The following GLI2 variants were observed in gnomAD, a reference collection of about 807,000 sequenced individuals.
GLI2 encodes the protein transcription activator GLI2.
GLI2 carries 22 observed loss-of-function variants against 78.9 expected under a neutral mutation model. The observed-to-expected ratio is 0.28, with a 90% CI of 0.20 to 0.40. GLI2 has a LOEUF of 0.40. Among genes scored for constraint, GLI2 ranks in the 10% least tolerant of loss-of-function variants. GLI2 has a pLI of 1.00. For synonymous variants in GLI2, 974 were observed against 963.7 expected (o/e 1.01, Z -0.20); for missense variants, 2,097 against 2,213.2 (o/e 0.95, Z 1.05).
intron 8 of GLI2, among the ~76,000 whole-genome samples, chr2:120,972,892 C>T (rs569294630): frequency 2.6e-5 from 4 of 152,218 alleles, no homozygotes; most frequent in Admixed American, 1.3e-4. Context: ...ATGCGGGCAG[C>T]CCCCACTCTG....
Position 120,988,937 on chromosome 2 carries a change from G to A in GLI2, c.2972G>A (p.Arg991His). ...LPPCADRRGL[R>H]LQSHPSTDGG... ...CCCTGTGCCGACAGGCGAGGCCTCC[G>A]CCTGCAGAGCCACCCGAGCACCGAC... The change falls in exon 14 of 14, where the codon CGC (arginine) becomes CAC (histidine). Residue 991 changes from arginine to histidine, a missense_variant. Coordinates refer to ENST00000361492, the MANE Select transcript of GLI2 (RefSeq NM_001374353.1). The A allele has an allele frequency of 6.5e-7, 1 of 1,529,680 alleles. No homozygotes were observed. Among genetic ancestry groups the A allele is most frequent in the Non-Finnish European group, 8.8e-7 (1 of 1,142,652 alleles). 94.8% of individuals were successfully genotyped at this position (1,529,680 alleles called of 1,614,324 possible).
intron 2 of GLI2, 68 bp from the exon 3 acceptor site, chr2:120,927,293 C>G (rs990448217): frequency 1.7e-6 from 2 of 1,152,646 alleles, no homozygotes; most frequent in African/African-American, 3.0e-5. Context: ...CTTTAAAGCC[C>G]TTTGAAAGTA....
intron 2 of GLI2, among the ~76,000 whole-genome samples, chr2:120,811,078 A>T (rs1685216797): frequency 6.6e-6 from 1 of 152,236 alleles, no homozygotes; most frequent in African/African-American, 2.4e-5. Context: ...GTGGGGTCCC[A>T]TGCATACCTG....
At chr2:120,764,945 T>C (rs1245200428) in intron 1 of GLI2, among the ~76,000 whole-genome samples, 1 of 151,858 alleles carries the variant, frequency 6.6e-6, no homozygotes, top group Non-Finnish European at 1.5e-5. Flanking sequence ...AATGGAGAGC[T>C]GTAACATTTT....
intron 2 of GLI2, among the ~76,000 whole-genome samples, chr2:120,894,084 A>T (rs1677819650): frequency 6.6e-6 from 1 of 152,194 alleles, no homozygotes; most frequent in Non-Finnish European, 1.5e-5. Context: ...TTGTGGGGAC[A>T]GTCGGGTCCT....
chr2:120,809,791 A>G (rs1473992432), intron 2 of GLI2, among the ~76,000 whole-genome samples: 1 of 152,202 alleles, frequency 6.6e-6, no homozygotes, highest in Admixed American at 6.5e-5. Flanking sequence ...GGGATGTTTA[A>G]TGACAAAGTA....
chr2:120,960,012 A>G lies in GLI2; in HGVS notation c.643+4582A>G, dbSNP rs774900371. ...GGGCCTGGAGAGCTCATGGACAGCC[A>G]AGGAGAACAGGCCTTCTCTCTCTGC... On this transcript the variant is annotated intron_variant, in intron 5 of 13. Coordinates refer to ENST00000361492, the MANE Select transcript of GLI2 (RefSeq NM_001374353.1). 1.2e-4 allele frequency among the ~76,000 whole-genome samples: 19 copies of G among 152,208 alleles called. 1 individual carries two copies. Among genetic ancestry groups the G allele is most frequent in the Non-Finnish European group, 1.6e-4 (11 of 68,030 alleles).
At chr2:120,834,415 GC>G (rs1686510297) in intron 2 of GLI2, among the ~76,000 whole-genome samples, 1 of 152,200 alleles carries the variant, frequency 6.6e-6, no homozygotes, top group Non-Finnish European at 1.5e-5. Flanking sequence ...CTGAGACCTG[GC>G]CCTGGGGTGT....
intron 2 of GLI2, among the ~76,000 whole-genome samples, chr2:120,885,053 C>T (rs1677328984): frequency 6.6e-6 from 1 of 152,176 alleles, no homozygotes; most frequent in Non-Finnish European, 1.5e-5. Flanking sequence ...CTGCTGAATC[C>T]TCCCACCCCA....
chr2:120,903,888 C>A (rs190294151), intron 2 of GLI2, among the ~76,000 whole-genome samples: 1 of 152,110 alleles, frequency 6.6e-6, no homozygotes, highest in Non-Finnish European at 1.5e-5. Flanking sequence ...ATGAAGCGGG[C>A]GGGTGACTGT....
At chr2:120,963,610 GGT>G (rs1364832061) in intron 5 of GLI2, among the ~76,000 whole-genome samples, 2 of 151,378 alleles carry the variant, frequency 1.3e-5, no homozygotes, top group Non-Finnish European at 3.0e-5. Context: ...GTCCACCTGG[GGT>G]GTGTGTGTGT....
At position 120,889,123 on chromosome 2, in the gene GLI2, C is replaced by T. The variant is rs988875722; in HGVS notation, c.149-38238C>T. On this transcript the variant is annotated intron_variant, in intron 2 of 13. Transcript: ENST00000361492. ...TTTATCTGGTCCTCCGAAAGAAGTG[C>T]GGTGGCCATAGTCTCCTCTTTTAGC... Among the ~76,000 whole-genome samples, 4 of 152,230 alleles carry T rather than the reference C, an allele frequency of 2.6e-5. 1 individual carries two copies. Among genetic ancestry groups the T allele is most frequent in the South Asian group, 4.1e-4 (2 of 4,826 alleles).
intron 5 of GLI2, among the ~76,000 whole-genome samples, chr2:120,956,296 A>T (rs1385700954): frequency 6.6e-6 from 1 of 152,090 alleles, no homozygotes; most frequent in African/African-American, 2.4e-5. Context: ...TGGAGTAGTA[A>T]CTGAGCTGGG....
chr2:120,894,741 C>T (rs539087233), intron 2 of GLI2, among the ~76,000 whole-genome samples: 1 of 147,150 alleles, frequency 6.8e-6, no homozygotes, highest in East Asian at 2.0e-4. Flanking sequence ...CCTTGTTGCC[C>T]AGGCTGGAGC....
chr2:120,822,029 G>A (rs4848638), intron 2 of GLI2, among the ~76,000 whole-genome samples: 43,633 of 152,192 alleles, frequency 0.29, 6,670 homozygotes, highest in East Asian at 0.38. Flanking sequence ...TGACATGGAG[G>A]TGAGGCTGTG....
chr2:120,880,484 C>A (rs1237559172), intron 2 of GLI2, among the ~76,000 whole-genome samples: 2 of 152,168 alleles, frequency 1.3e-5, no homozygotes, highest in Non-Finnish European at 2.9e-5. Flanking sequence ...GCCTCGCAGA[C>A]AAGGGCTCTC....
intron 3 of GLI2, among the ~76,000 whole-genome samples, chr2:120,947,405 C>T (rs558040774): frequency 1.1e-4 from 16 of 152,322 alleles, no homozygotes; most frequent in South Asian, 4.1e-4. Context: ...TGTGCCCCAC[C>T]GATGGCTGGC....
chr2:120,853,715 T>C (rs1687513679), intron 2 of GLI2, among the ~76,000 whole-genome samples: 1 of 152,258 alleles, frequency 6.6e-6, no homozygotes, highest in Non-Finnish European at 1.5e-5. Flanking sequence ...ACATGGTTTC[T>C]GTATGACATG....
chr2:120,950,582 C>T (rs900417544), intron 3 of GLI2, among the ~76,000 whole-genome samples: 2 of 152,080 alleles, frequency 1.3e-5, no homozygotes, highest in African/African-American at 2.4e-5. Context: ...ATTGGGGCAT[C>T]TGAGAAGGGT....
Sources: allele counts gnomAD v4.1 joint callset (sites outside exome capture counted in the v4.1 genomes callset), GRCh38; gene constraint gnomAD v4.1.1; transcripts MANE v1.5; gene names NCBI Gene and HGNC (gene_info 2026-07-23, HGNC 2026-07-21).